ATAD2B: variants seen among roughly 807,000 people sequenced by gnomAD.
ATAD2B encodes the protein ATPase family AAA domain-containing protein 2B.
A neutral mutation model predicts 167.6 loss-of-function variants in ATAD2B; 40 were observed. The ratio of observed to expected loss-of-function variants is 0.24; its 90% CI spans 0.19 to 0.31. The LOEUF (loss-of-function observed/expected upper bound fraction) is 0.31. Among genes scored for constraint, ATAD2B ranks in the 10% least tolerant of loss-of-function variants. The pLI, the probability that ATAD2B is intolerant of heterozygous loss-of-function variation, is 1.00. For synonymous variants in ATAD2B, 579 were observed against 596.5 expected, an observed-to-expected ratio of 0.97 and a Z score of 0.43; for missense variants, 1,242 against 1,757.2, an observed-to-expected ratio of 0.71 and a Z score of 5.24.
At chr2:23,804,539 C>G (rs1684028167) in intron 18 of ATAD2B, among the ~76,000 whole-genome samples, 1 of 151,914 alleles carries the variant, frequency 6.6e-6, no homozygotes, top group Non-Finnish European at 1.5e-5. Context: ...TTTTTCACTA[C>G]CAAGTGACAC....
chr2:23,741,574 A>G, the ATAD2B span, among the ~76,000 whole-genome samples: 1 of 152,196 alleles, frequency 6.6e-6, no homozygotes, highest in Non-Finnish European at 1.5e-5. Flanking sequence ...AAAGACTTAA[A>G]CGTTAGCCCT....
At chr2:23,735,356 T>C in the ATAD2B span, among the ~76,000 whole-genome samples, 4 of 152,240 alleles carry the variant, frequency 2.6e-5, no homozygotes, top group African/African-American at 7.2e-5. Context: ...ATTAAAAGCA[T>C]TGTTGTGATG....
chr2:23,725,042 C>CAAAAAAAA, the ATAD2B span, among the ~76,000 whole-genome samples: 1 of 71,688 alleles, frequency 1.4e-5, no homozygotes, highest in Non-Finnish European at 2.4e-5. Context: ...GACTCTGTCT[C>CAAAAAAAA]AAAAAAAAAA....
At chr2:23,856,004 T>C (rs1693335709) in intron 13 of ATAD2B, 1 of 152,178 alleles carries the variant, frequency 6.6e-6, no homozygotes, top group Non-Finnish European at 1.5e-5. Flanking sequence ...CTGGCCAATA[T>C]GGTGAAACCC....
intron 15 of ATAD2B, chr2:23,827,664 C>A (rs1688460931): frequency 6.6e-6 from 1 of 152,608 alleles, no homozygotes; most frequent in East Asian, 1.9e-4. Context: ...AAATACCACC[C>A]TCTCCCATAA....
downstream of ATAD2B, among the ~76,000 whole-genome samples, chr2:23,744,836 G>T (rs974852484): frequency 2.6e-5 from 4 of 152,046 alleles, no homozygotes; most frequent in African/African-American, 9.7e-5. Context: ...ATTGGGAATG[G>T]GTAGAAAGTA....
the ATAD2B span, among the ~76,000 whole-genome samples, chr2:23,681,150 C>T: frequency 3.3e-5 from 5 of 152,226 alleles, no homozygotes; most frequent in Admixed American, 1.3e-4. The surrounding 1 kb of genome is among the most constrained non-coding windows in gnomAD (Gnocchi z 4.2). Context: ...CTTCGCCGGC[C>T]GGGCAGGCAG....
the ATAD2B span, chr2:23,697,762 C>G: frequency 0.69 from 104,682 of 152,062 alleles, 36,994 homozygotes; most frequent in East Asian, 0.85. Flanking sequence ...GAGGATATTA[C>G]CGCAGTTGCT....
At position 23,786,017 on chromosome 2, in the gene ATAD2B, G is replaced by C; in HGVS notation, c.2973+10C>G. 6.2e-7 allele frequency: 1 copy of C among 1,601,714 alleles called. No individual in the cohort carries two copies. Among genetic ancestry groups the C allele is most frequent in the African/African-American group, 1.3e-5 (1 of 74,320 alleles). On this transcript the variant is annotated intron_variant, in intron 21 of 27. Coordinates refer to ENST00000238789, the MANE Select transcript of ATAD2B (RefSeq NM_017552.4). Reference sequence around the variant, plus strand: ...TCAACTTCACTGTTTGCACACTACTGAAACAAGACCTCTTCAATATCCACC... The same window carrying C: ...TCAACTTCACTGTTTGCACACTACTCAAACAAGACCTCTTCAATATCCACC...
At chr2:23,740,053 T>C in the ATAD2B span, among the ~76,000 whole-genome samples, 1 of 152,174 alleles carries the variant, frequency 6.6e-6, no homozygotes, top group African/African-American at 2.4e-5. Flanking sequence ...ATTGAGGAAA[T>C]AATCAATAGC....
intron 9 of ATAD2B, among the ~76,000 whole-genome samples, chr2:23,868,554 C>A (rs761372754): frequency 2.6e-5 from 4 of 152,200 alleles, no homozygotes; most frequent in Non-Finnish European, 4.4e-5. Flanking sequence ...GGATTACAGG[C>A]GTAAGCCATC....
chr2:23,916,282 G>A (rs1387711639), intron 1 of ATAD2B, among the ~76,000 whole-genome samples: 1 of 152,154 alleles, frequency 6.6e-6, no homozygotes, highest in Non-Finnish European at 1.5e-5. Context: ...ACCACTTTTA[G>A]AGGAAAAAGT....
intron 13 of ATAD2B, among the ~76,000 whole-genome samples, chr2:23,851,047 A>G (rs931834479): frequency 6.6e-6 from 1 of 152,228 alleles, no homozygotes; most frequent in African/African-American, 2.4e-5. Context: ...GCAGGTCCTC[A>G]CCAGACACTA....
At chr2:23,873,909 G>A (rs1696384480) in intron 8 of ATAD2B, among the ~76,000 whole-genome samples, 1 of 152,212 alleles carries the variant, frequency 6.6e-6, no homozygotes, top group Admixed American at 6.5e-5. Flanking sequence ...AGTTGGGGCT[G>A]GGCATGGTGG....
intron 27 of ATAD2B, 94 bp from the exon 28 acceptor site, chr2:23,752,181 A>C (rs1416923465): frequency 1.2e-6 from 1 of 867,024 alleles, no homozygotes; most frequent in Non-Finnish European, 1.9e-6. Flanking sequence ...TTAGGGAATG[A>C]ATTTGAGATA....
intron 2 of ATAD2B, among the ~76,000 whole-genome samples, chr2:23,891,870 C>T (rs1192635121): frequency 2.6e-5 from 4 of 152,242 alleles, no homozygotes; most frequent in Admixed American, 6.5e-5. Context: ...TTAGAACTTT[C>T]TACAGCTTTA....
At chr2:23,722,595 A>G in the ATAD2B span, among the ~76,000 whole-genome samples, 1 of 152,176 alleles carries the variant, frequency 6.6e-6, no homozygotes, top group Admixed American at 6.5e-5. Context: ...CATTAAGCAA[A>G]CAAATATTCA....
At chr2:23,792,962 C>CAAAAAAAAAAAAA (rs36015161) in intron 19 of ATAD2B, among the ~76,000 whole-genome samples, 1 of 42,548 alleles carries the variant, frequency 2.4e-5, no homozygotes, top group Non-Finnish European at 3.9e-5. Context: ...GACTCTGTCT[C>CAAAAAAAAAAAAA]AAAAAAAAAA....
the ATAD2B span, among the ~76,000 whole-genome samples, chr2:23,702,995 G>A: frequency 7.2e-4 from 109 of 152,344 alleles, 1 homozygote; most frequent in Admixed American, 8.5e-4. Context: ...AAGGCCGAGA[G>A]GGCTAGTTTG....
Sources: allele counts gnomAD v4.1 joint callset (sites outside exome capture counted in the v4.1 genomes callset), GRCh38; gene constraint gnomAD v4.1.1; non-coding constraint Gnocchi (gnomAD v3.1); transcripts MANE v1.5; gene names NCBI Gene and HGNC (gene_info 2026-07-23, HGNC 2026-07-21).